The following CD34 variants were observed in gnomAD, a reference collection of about 807,000 sequenced individuals.
CD34 encodes hematopoietic progenitor cell antigen CD34.
CD34 carries 34 observed loss-of-function variants against 40.1 expected under a neutral mutation model. The observed-to-expected ratio is 0.85, with a 90% CI of 0.65 to 1.13. CD34 has a LOEUF of 1.13. CD34 is among the 50% of genes most tolerant of loss of function. The pLI is 0.00. For missense variants in CD34, 426 were observed against 466.9 expected, an observed-to-expected ratio of 0.91 and a Z score of 0.81; for synonymous variants, 209 against 190.0, an observed-to-expected ratio of 1.10 and a Z score of -0.82.
At chr1:207,906,444 G>A (rs890545011) in intron 1 of CD34, among the ~76,000 whole-genome samples, 1 of 152,178 alleles carries the variant, frequency 6.6e-6, no homozygotes, top group African/African-American at 2.4e-5. Flanking sequence ...GGACTGAGCA[G>A]ATGCCTTCTT....
intron 3 of CD34, among the ~76,000 whole-genome samples, chr1:207,897,856 G>A (rs1256066647): frequency 6.6e-6 from 1 of 152,152 alleles, no homozygotes; most frequent in Non-Finnish European, 1.5e-5. Context: ...CTTGGATGGT[G>A]CAGGACTGGG....
chr1:207,885,226 T>G lies in CD34; in HGVS notation c.*2512A>C, dbSNP rs1435242510. 6.6e-6 allele frequency: 1 copy of G among 152,154 alleles called. No homozygotes were observed. The highest frequency in any genetic ancestry group is 1.5e-5 in the Non-Finnish European group (1 of 68,060). The allele number at this position is 152,154 out of a possible 1,614,324, so 9.4% of individuals were successfully genotyped here. On this transcript the variant is annotated 3_prime_UTR_variant, in exon 8 of 8. Transcript: ENST00000310833. The stretch of plus-strand genomic sequence containing the variant: ...AGGCGATTGAGCTGAGGCTGAGCAG[T>G]AGGACCTCAATAAGGCCAGCAGGTG...
chr1:207,901,482 G>C lies in CD34; in HGVS notation c.80-1479C>G, dbSNP rs533420790. Among the ~76,000 whole-genome samples the C allele has an allele frequency of 1.2e-4, 18 of 152,368 alleles. No individual in the cohort carries two copies. The South Asian group carries it at 3.7e-3, about 32-fold the overall frequency. ...GTTAGTGCTTAGTGCTTAAGCCTGT[G>C]GGTGGGGTGTCCCAGGCACACATGC... On this transcript the variant is annotated intron_variant, in intron 1 of 7. Coordinates refer to ENST00000310833, the MANE Select transcript of CD34 (RefSeq NM_001025109.2).
At chr1:207,894,631 A>G (rs1438668469) in intron 4 of CD34, among the ~76,000 whole-genome samples, 1 of 152,212 alleles carries the variant, frequency 6.6e-6, no homozygotes, top group East Asian at 1.9e-4. Flanking sequence ...CATTTTGGAA[A>G]CTATTTGGGG....
intron 1 of CD34, among the ~76,000 whole-genome samples, chr1:207,908,201 G>A (rs1294255771): frequency 2.0e-5 from 3 of 152,244 alleles, no homozygotes; most frequent in Non-Finnish European, 4.4e-5. Context: ...GATTGCGAAG[G>A]AAGGAGATGA....
chr1:207,898,938 G>A (rs1162150789), intron 3 of CD34, 35 bp downstream of exon 3: 2 of 1,610,676 alleles, frequency 1.2e-6, no homozygotes, highest in African/African-American at 2.7e-5. Context: ...TATGAAGTGA[G>A]GGGCAATCTG....
intron 4 of CD34, among the ~76,000 whole-genome samples, chr1:207,894,078 T>C (rs1041950334): frequency 1.3e-5 from 2 of 152,176 alleles, no homozygotes; most frequent in Admixed American, 6.5e-5. Context: ...TCAAATCAGG[T>C]TGCCAAGGAG....
At chr1:207,888,148 C>T in intron 7 of CD34, 2 of 1,613,132 alleles carry the variant, frequency 1.2e-6, no homozygotes, top group Non-Finnish European at 8.5e-7. Flanking sequence ...GGAGAGGCAC[C>T]ACACCATGCC....
At chr1:207,906,996 G>A (rs1164361805) in intron 1 of CD34, among the ~76,000 whole-genome samples, 1 of 151,808 alleles carries the variant, frequency 6.6e-6, no homozygotes, top group Non-Finnish European at 1.5e-5. Context: ...CAGACTCCTG[G>A]GTTGTGGCTC....
rs1046682876 is a variant in CD34, at chr1:207,881,262, C to G, written c.*6476G>C. The G allele has an allele frequency of 6.6e-6, 1 of 152,218 alleles. No individual in the cohort carries two copies. Among genetic ancestry groups the G allele is most frequent in the Non-Finnish European group, 1.5e-5 (1 of 68,040 alleles). 9.4% of individuals were successfully genotyped at this position (152,218 alleles called of 1,614,324 possible). On this transcript the variant is annotated 3_prime_UTR_variant, in exon 8 of 8. Transcript: ENST00000310833. ...CAATTTGAATAATAATACTACAAATCTATTTTCCTTTTTCACATTCATTCT... is the reference window on the plus strand; with the variant it reads ...CAATTTGAATAATAATACTACAAATGTATTTTCCTTTTTCACATTCATTCT...
intron 1 of CD34, among the ~76,000 whole-genome samples, chr1:207,909,658 C>G (rs1021266034): frequency 6.6e-6 from 1 of 152,172 alleles, no homozygotes; most frequent in African/African-American, 2.4e-5. Flanking sequence ...CTGCCTGCCT[C>G]GGCCTCCCAA....
Position 207,887,716 on chromosome 1 carries a change from A to G in CD34, c.*22T>C. On this transcript the variant is annotated 3_prime_UTR_variant, in exon 8 of 8. Coordinates refer to ENST00000310833, the MANE Select transcript of CD34 (RefSeq NM_001025109.2). ...AGGGGTGCTCTCTCGGACACTGCCC[A>G]GCCTTGCCCCACCTAGCCGAGTCAC... 2 of 1,614,008 alleles carry G rather than the reference A, an allele frequency of 1.2e-6. No homozygotes were observed. Among genetic ancestry groups the G allele is most frequent in the Non-Finnish European group, 1.7e-6 (2 of 1,179,950 alleles).
At chr1:207,906,665 A>G (rs1662388935) in intron 1 of CD34, among the ~76,000 whole-genome samples, 1 of 152,014 alleles carries the variant, frequency 6.6e-6, no homozygotes, top group African/African-American at 2.4e-5. Context: ...ACCAATATAG[A>G]GAAAACCCGT....
rs1661918200 is a variant in CD34 at position 207,887,164 on chromosome 1, AG to A, written c.*573del. 6.5e-6 allele frequency: 1 copy of A among 154,188 alleles called. No individual in the cohort carries two copies. The highest frequency in any genetic ancestry group is 2.0e-4 in the South Asian group (1 of 4,896). The allele number at this position is 154,188 out of a possible 1,614,324, so 9.6% of individuals were successfully genotyped here. On this transcript the variant is annotated 3_prime_UTR_variant, in exon 8 of 8. Transcript: ENST00000310833. ...GGGCACATGGAGCTCAGTGGAACTT[AG>A]AGAACAAGGGAGGAGCTGGTGACCA...
Position 207,887,910 on chromosome 1 carries a change from T to C in CD34, c.986A>G (p.Tyr329Cys), listed in dbSNP as rs778354199. Residue 329 changes from tyrosine to cysteine, a missense_variant, in exon 8 of 8, where the codon TAT (tyrosine) becomes TGT (cysteine). Physicochemically the swap from Tyr to Cys is radical, Grantham distance 194. Transcript: ENST00000310833. The part of the protein sequence containing the change: ...PTGERLGEDP[Y>C]YTENGGGQGY... ...CTGGCCTCCACCGTTTTCCGTGTAA[T>C]AAGGGTCTTCGCCCTAGACAGTGTA... is the stretch of plus-strand genomic sequence containing the variant. The C allele has an allele frequency of 6.2e-6, 10 of 1,613,376 alleles. No homozygotes were observed. Among genetic ancestry groups the C allele is most frequent in the Non-Finnish European group, 8.5e-6 (10 of 1,179,962 alleles).
At chr1:207,896,054 A>C (rs1411908176) in intron 4 of CD34, among the ~76,000 whole-genome samples, 1 of 152,240 alleles carries the variant, frequency 6.6e-6, no homozygotes, top group Non-Finnish European at 1.5e-5. Context: ...CAAATTTGTA[A>C]GTCAGAGAGA....
chr1:207,883,964 A>G lies in CD34; in HGVS notation c.*3774T>C, dbSNP rs1661852631. On this transcript the variant is annotated 3_prime_UTR_variant, in exon 8 of 8. Transcript: ENST00000310833. The stretch of plus-strand genomic sequence containing the variant: ...CCTTTTAAAACATAAAGCAGATGAT[A>G]TGACTTCTCTGCTCAAAACCCTCCA... 6.6e-6 allele frequency: 1 copy of G among 152,192 alleles called. No homozygotes were observed. Among genetic ancestry groups the G allele is most frequent in the Non-Finnish European group, 1.5e-5 (1 of 68,060 alleles). The allele number at this position is 152,192 out of a possible 1,614,324, so 9.4% of individuals were successfully genotyped here.
Position 207,887,760 on chromosome 1 carries a change from A to G in CD34, c.1136T>C (p.Val379Ala). Reference protein sequence around the residue: ...SRNGHSARQHVVADTEL With the variant: ...SRNGHSARQHAVADTEL ...GAGTCACAATTCGGTATCAGCCACC[A>G]CGTGTTGTCTTGCTGAATGGCCGTT... is the stretch of plus-strand genomic sequence containing the variant. The change falls in exon 8 of 8, where the codon GTG becomes GCG. Residue 379 changes from valine (V) to alanine (A), a missense_variant. Val to Ala is a moderately conservative substitution (Grantham distance 64). Transcript: ENST00000310833. 1 of 1,614,008 alleles carries G rather than the reference A, an allele frequency of 6.2e-7. No individual in the cohort carries two copies. The highest frequency in any genetic ancestry group is 8.5e-7 in the Non-Finnish European group (1 of 1,179,966).
Position 207,888,051 on chromosome 1 carries a change from A to G in CD34, c.973-128T>C, listed in dbSNP as rs1008673155. The G allele has an allele frequency of 1.7e-5, 28 of 1,608,182 alleles. No individual in the cohort carries two copies. In the Middle Eastern group the frequency reaches 9.1e-4, roughly 52 times the overall value. On this transcript the variant is annotated intron_variant, in intron 7 of 7. Coordinates refer to ENST00000310833, the MANE Select transcript of CD34 (RefSeq NM_001025109.2). ...GGGGGAGGGGGAGGTGGGAGGAAGGATCGGAGGGAGGGTGCAGCTGCATGT... is the reference window on the plus strand; with the variant it reads ...GGGGGAGGGGGAGGTGGGAGGAAGGGTCGGAGGGAGGGTGCAGCTGCATGT...
Sources: allele counts gnomAD v4.1 joint callset (sites outside exome capture counted in the v4.1 genomes callset), GRCh38; gene constraint gnomAD v4.1.1; transcripts MANE v1.5; gene names NCBI Gene and HGNC (gene_info 2026-07-23, HGNC 2026-07-21).